The following LDAH variants were observed in gnomAD, a reference collection of about 807,000 sequenced individuals.
The protein encoded by LDAH is lipid droplet-associated hydrolase.
A neutral mutation model predicts 29.6 loss-of-function variants in LDAH; 26 were observed. The observed-to-expected ratio is 0.88, with a 90% CI of 0.64 to 1.22. LDAH has a LOEUF of 1.22. Among genes scored for constraint, LDAH ranks in the 50% most tolerant of loss-of-function variants. LDAH has a pLI of 0.00. For missense variants in LDAH, 344 were observed against 387.3 expected (o/e 0.89, Z 0.94); for synonymous variants, 117 against 133.0 (o/e 0.88, Z 0.83).
In LDAH at chr2:20,698,250, C is replaced by T. The variant is rs111782415; in HGVS notation, c.786+3320G>A. The stretch of plus-strand genomic sequence containing the variant: ...AAGAAGACACAGCTCCTTACCTCAA[C>T]GTGGGGAAAGGTGAAGGTTGATTGT... On this transcript the variant is annotated intron_variant, in intron 6 of 6. Transcript: ENST00000237822. The surrounding 1 kb of genome is among the most constrained non-coding windows in gnomAD (Gnocchi z 4.4). 6.6e-6 allele frequency among the ~76,000 whole-genome samples: 1 copy of T among 152,120 alleles called. No individual in the cohort carries two copies. The highest frequency in any genetic ancestry group is 2.4e-5 in the African/African-American group (1 of 41,410).
chr2:20,722,362 A>C (rs1469639146), intron 5 of LDAH, among the ~76,000 whole-genome samples: 1 of 145,908 alleles, frequency 6.9e-6, no homozygotes, highest in Non-Finnish European at 1.5e-5. Flanking sequence ...CCTGGGCGAC[A>C]GAATGAAACT....
intron 5 of LDAH, among the ~76,000 whole-genome samples, chr2:20,715,094 C>A (rs1310512873): frequency 1.3e-5 from 2 of 152,170 alleles, no homozygotes; most frequent in Non-Finnish European, 1.5e-5. Context: ...GAATTTTAGA[C>A]CAATATCGCT....
intron 6 of LDAH, among the ~76,000 whole-genome samples, chr2:20,689,000 C>A (rs1229396338): frequency 6.6e-6 from 1 of 151,968 alleles, no homozygotes; most frequent in African/African-American, 2.4e-5. Context: ...CCCCCCATCC[C>A]CTAACAGGCC....
At chr2:20,732,401 A>G (rs1403965888) in intron 5 of LDAH, among the ~76,000 whole-genome samples, 1 of 152,146 alleles carries the variant, frequency 6.6e-6, no homozygotes, top group African/African-American at 2.4e-5. Context: ...ACTAGCTTCA[A>G]AAAGTGAATT....
At chr2:20,795,715 A>C (rs1671258700) in intron 2 of LDAH, among the ~76,000 whole-genome samples, 1 of 152,228 alleles carries the variant, frequency 6.6e-6, no homozygotes, top group South Asian at 2.1e-4. Context: ...TATTGCATCC[A>C]TTAAACATCA....
chr2:20,727,532 T>C (rs1297856769), intron 5 of LDAH, among the ~76,000 whole-genome samples: 1 of 152,200 alleles, frequency 6.6e-6, no homozygotes, highest in African/African-American at 2.4e-5. Flanking sequence ...AAATTCCCTA[T>C]GTCTCTGTGC....
intron 1 of LDAH, among the ~76,000 whole-genome samples, chr2:20,814,232 G>A (rs79933366): frequency 1.2e-4 from 12 of 101,854 alleles, no homozygotes; most frequent in African/African-American, 4.5e-4. Context: ...CTGACAATGG[G>A]GGGGGGGGGT....
At chr2:20,741,951 ATTAATT>A (rs1667206350) in intron 4 of LDAH, among the ~76,000 whole-genome samples, 2 of 152,212 alleles carry the variant, frequency 1.3e-5, no homozygotes, top group South Asian at 4.1e-4. Context: ...TCTCTGATAT[ATTAATT>A]TTATTTTATG....
intron 1 of LDAH, among the ~76,000 whole-genome samples, chr2:20,809,791 C>A (rs1350161882): frequency 6.6e-6 from 1 of 152,084 alleles, no homozygotes; most frequent in Admixed American, 6.5e-5. Flanking sequence ...AAATAAAATA[C>A]CATTCAGGGA....
At chr2:20,739,254 A>G (rs1166625379) in intron 5 of LDAH, among the ~76,000 whole-genome samples, 2 of 152,194 alleles carry the variant, frequency 1.3e-5, no homozygotes, top group Admixed American at 6.5e-5. Context: ...ACTAGATAGA[A>G]GCTTTGGATA....
chr2:20,765,765 AG>A (rs1668989984), intron 4 of LDAH, among the ~76,000 whole-genome samples: 1 of 152,168 alleles, frequency 6.6e-6, no homozygotes, highest in Non-Finnish European at 1.5e-5. Flanking sequence ...TCGTGGTCTC[AG>A]GGCAGTCGGC....
At chr2:20,798,588 AC>A (rs1156813591) in intron 2 of LDAH, among the ~76,000 whole-genome samples, 1 of 148,592 alleles carries the variant, frequency 6.7e-6, no homozygotes, top group Non-Finnish European at 1.5e-5. Flanking sequence ...AATATAATAT[AC>A]ATAATATAAT....
chr2:20,760,188 G>A (rs1037169678), intron 4 of LDAH, among the ~76,000 whole-genome samples: 8 of 152,160 alleles, frequency 5.3e-5, no homozygotes, highest in African/African-American at 1.9e-4. Context: ...GGAGTAGGAA[G>A]AGTGGGTAAG....
At chr2:20,718,833 A>C (rs547681945) in intron 5 of LDAH, among the ~76,000 whole-genome samples, 1 of 152,320 alleles carries the variant, frequency 6.6e-6, no homozygotes, top group African/African-American at 2.4e-5. Context: ...CCACAATGGA[A>C]TAAAACTAGA....
chr2:20,792,424 T>C (rs764951663), intron 2 of LDAH, among the ~76,000 whole-genome samples: 2 of 152,114 alleles, frequency 1.3e-5, no homozygotes, highest in Non-Finnish European at 2.9e-5. Flanking sequence ...TTAGCCAACA[T>C]CACATATATG....
chr2:20,812,453 C>G (rs1196490198), intron 1 of LDAH, among the ~76,000 whole-genome samples: 1 of 152,170 alleles, frequency 6.6e-6, no homozygotes, highest in Non-Finnish European at 1.5e-5. Context: ...GCATTTTCAT[C>G]TGGGTGCCTC....
At chr2:20,730,589 C>G (rs1666330308) in intron 5 of LDAH, among the ~76,000 whole-genome samples, 1 of 152,106 alleles carries the variant, frequency 6.6e-6, no homozygotes, top group Admixed American at 6.5e-5. Flanking sequence ...ATATTTTATT[C>G]TTTTTTTCTA....
intron 5 of LDAH, among the ~76,000 whole-genome samples, chr2:20,725,248 A>C (rs1665931682): frequency 6.6e-6 from 1 of 152,338 alleles, no homozygotes. Context: ...AATAATCATT[A>C]GTAAGCCCAT....
intron 1 of LDAH, among the ~76,000 whole-genome samples, chr2:20,814,684 T>C (rs1363341931): frequency 6.6e-6 from 1 of 152,106 alleles, no homozygotes; most frequent in Non-Finnish European, 1.5e-5. Context: ...CTGGAAGAAA[T>C]AGCTTTTTAA....
Sources: allele counts gnomAD v4.1 joint callset (sites outside exome capture counted in the v4.1 genomes callset), GRCh38; gene constraint gnomAD v4.1.1; non-coding constraint Gnocchi (gnomAD v3.1); transcripts MANE v1.5; gene names NCBI Gene and HGNC (gene_info 2026-07-23, HGNC 2026-07-21).